The following SDK1 variants were observed in gnomAD, a reference collection of about 807,000 sequenced individuals.
The protein encoded by SDK1 is sidekick cell adhesion molecule 1.
SDK1 carries 157 observed loss-of-function variants against 245.5 expected under a neutral mutation model. The ratio of observed to expected loss-of-function variants is 0.64; its 90% CI spans 0.56 to 0.73. SDK1 has a LOEUF of 0.73. Among genes scored for constraint, SDK1 ranks in the 30% least tolerant of loss-of-function variants. The pLI, the probability that SDK1 is intolerant of heterozygous loss-of-function variation, is 0.00. For synonymous variants in SDK1, 1,647 were observed against 1,278.5 expected (o/e 1.29, Z -6.15); for missense variants, 3,583 against 3,002.3 (o/e 1.19, Z -4.52).
At position 4,010,946 on chromosome 7, in the gene SDK1, C is replaced by T. The variant is rs765556212; in HGVS notation, c.2132-20C>T. The T allele has an allele frequency of 7.4e-6, 12 of 1,613,424 alleles. No homozygotes were observed. Among genetic ancestry groups the T allele is most frequent in the Admixed American group, 5.0e-5 (3 of 59,976 alleles). On this transcript the variant is annotated intron_variant, in intron 14 of 44. Coordinates refer to ENST00000404826, the MANE Select transcript of SDK1 (RefSeq NM_152744.4). ...CATGATAAGCCTGTGGGCTTGAATT[C>T]GTTTTCTTCATTCTTTCAGACTCTC... is the stretch of plus-strand genomic sequence containing the variant.
At chr7:3,328,561 A>ATT (rs1367427950) in intron 1 of SDK1, among the ~76,000 whole-genome samples, 2 of 152,110 alleles carry the variant, frequency 1.3e-5, no homozygotes, top group African/African-American at 4.8e-5. Context: ...AGAAAAATGT[A>ATT]TTACATAAAA....
chr7:3,602,771 T>C (rs1348194764), intron 1 of SDK1, among the ~76,000 whole-genome samples: 3 of 152,222 alleles, frequency 2.0e-5, no homozygotes, highest in African/African-American at 2.4e-5. Flanking sequence ...TCCTCAATGG[T>C]ATTGCCTAGG....
intron 5 of SDK1, among the ~76,000 whole-genome samples, chr7:3,833,133 G>A (rs887182764): frequency 1.3e-5 from 2 of 152,122 alleles, no homozygotes; most frequent in Non-Finnish European, 1.5e-5. Flanking sequence ...AGATACAAAT[G>A]TCAAAACTGG....
At chr7:3,522,834 G>T (rs1230108213) in intron 1 of SDK1, among the ~76,000 whole-genome samples, 1 of 152,098 alleles carries the variant, frequency 6.6e-6, no homozygotes, top group African/African-American at 2.4e-5. Context: ...TTGATGGGGG[G>T]TGAGGTTCGC....
chr7:4,170,146 G>A (rs537377442), intron 32 of SDK1, among the ~76,000 whole-genome samples: 1 of 152,302 alleles, frequency 6.6e-6, no homozygotes, highest in African/African-American at 2.4e-5. Flanking sequence ...ATGCCTTACA[G>A]AATAAGGGTT....
chr7:3,385,156 C>T (rs1156905442), intron 1 of SDK1, among the ~76,000 whole-genome samples: 1 of 152,178 alleles, frequency 6.6e-6, no homozygotes, highest in African/African-American at 2.4e-5. Context: ...ACTTTCCACT[C>T]ACGTCATCTT....
At chr7:3,788,243 A>T (rs1445236463) in intron 4 of SDK1, among the ~76,000 whole-genome samples, 1 of 152,138 alleles carries the variant, frequency 6.6e-6, no homozygotes, top group East Asian at 1.9e-4. Flanking sequence ...CGGACACCAG[A>T]CACCTTCATA....
intron 32 of SDK1, among the ~76,000 whole-genome samples, chr7:4,166,131 C>G (rs1781484533): frequency 6.6e-6 from 1 of 152,216 alleles, no homozygotes; most frequent in African/African-American, 2.4e-5. Flanking sequence ...AAAAAAATCC[C>G]AAGCAATTGA....
At chr7:4,021,490 G>C (rs1025354022) in intron 17 of SDK1, among the ~76,000 whole-genome samples, 23 of 152,138 alleles carry the variant, frequency 1.5e-4, no homozygotes, top group East Asian at 1.9e-4. Context: ...TCTCACATCA[G>C]GGGGTTGGGC....
intron 5 of SDK1, among the ~76,000 whole-genome samples, chr7:3,908,664 C>G (rs938604232): frequency 6.6e-6 from 1 of 152,266 alleles, no homozygotes; most frequent in African/African-American, 2.4e-5. Flanking sequence ...TGATAATTGT[C>G]TTTTCCTCCA....
intron 1 of SDK1, among the ~76,000 whole-genome samples, chr7:3,572,575 G>C (rs1780150573): frequency 6.6e-6 from 1 of 152,054 alleles, no homozygotes; most frequent in Non-Finnish European, 1.5e-5. Flanking sequence ...TCGTCTCACT[G>C]TGTGTGAGCC....
intron 1 of SDK1, among the ~76,000 whole-genome samples, chr7:3,305,676 C>CT: frequency 6.6e-6 from 1 of 152,112 alleles, no homozygotes; most frequent in South Asian, 2.1e-4. Context: ...AAGAGTCTTG[C>CT]TTAGTGAGTG....
intron 4 of SDK1, among the ~76,000 whole-genome samples, chr7:3,706,442 C>G (rs1055081167): frequency 2.6e-5 from 4 of 152,166 alleles, no homozygotes; most frequent in African/African-American, 4.8e-5. Flanking sequence ...TGCTCTGTCA[C>G]CCAGGCTGGA....
intron 1 of SDK1, among the ~76,000 whole-genome samples, chr7:3,412,572 AG>A (rs1449787218): frequency 1.3e-5 from 2 of 152,186 alleles, no homozygotes; most frequent in Non-Finnish European, 2.9e-5. Context: ...AGTGCTGCAA[AG>A]TGAGCAGTCT....
At chr7:3,377,395 C>A (rs926042505) in intron 1 of SDK1, among the ~76,000 whole-genome samples, 1 of 152,146 alleles carries the variant, frequency 6.6e-6, no homozygotes, top group Non-Finnish European at 1.5e-5. Context: ...GCCCCCTGCG[C>A]TAAATGGAGG....
intron 35 of SDK1, among the ~76,000 whole-genome samples, chr7:4,183,253 A>T (rs1240815377): frequency 6.6e-6 from 1 of 152,298 alleles, no homozygotes; most frequent in East Asian, 1.9e-4. Flanking sequence ...TAGTTTCTAT[A>T]ATAGTGATGT....
intron 25 of SDK1, among the ~76,000 whole-genome samples, chr7:4,121,069 A>G (rs1784030909): frequency 6.6e-6 from 1 of 152,082 alleles, no homozygotes; most frequent in Non-Finnish European, 1.5e-5. Flanking sequence ...TTATGTGTAA[A>G]TGTATTCCAG....
rs535442424 is a variant in SDK1, at chr7:4,055,653, A to G, written c.2911+3823A>G. Reference sequence around the variant, plus strand: ...ACTTTATTGATTTCTGCTCTTTATAATTTCCTTCCTCTGCTTGCTTTGAGT... The same window carrying G: ...ACTTTATTGATTTCTGCTCTTTATAGTTTCCTTCCTCTGCTTGCTTTGAGT... On this transcript the variant is annotated intron_variant, in intron 19 of 44. Coordinates refer to ENST00000404826, the MANE Select transcript of SDK1 (RefSeq NM_152744.4). Among the ~76,000 whole-genome samples the G allele has an allele frequency of 3.3e-5, 5 of 149,820 alleles. No individual in the cohort carries two copies. In the South Asian group the frequency reaches 6.4e-4, roughly 19 times the overall value.
intron 7 of SDK1, among the ~76,000 whole-genome samples, chr7:3,952,919 T>C (rs931015983): frequency 6.6e-6 from 1 of 152,158 alleles, no homozygotes; most frequent in African/African-American, 2.4e-5. Flanking sequence ...ATTTCTCTCA[T>C]TTTTCCAGCT....
Sources: gnomAD v4.1 joint callset for allele counts (sites outside exome capture counted in the v4.1 genomes callset) on GRCh38, gnomAD v4.1.1 for gene constraint, MANE v1.5 for transcripts, NCBI Gene and HGNC (gene_info 2026-07-23, HGNC 2026-07-21) for gene names.